ADGRG6: variants seen among roughly 807,000 people sequenced by gnomAD.
The protein encoded by ADGRG6 is G-protein coupled receptor 126.
In ADGRG6, 84 loss-of-function variants were observed where a neutral mutation model predicts 142.4. That is an observed-to-expected ratio of 0.59 (90% CI 0.49 to 0.71). The LOEUF (loss-of-function observed/expected upper bound fraction) is 0.71, where lower values mean the gene tolerates loss of function less well. ADGRG6 is among the 30% of genes least tolerant of loss of function. The probability of loss-of-function intolerance (pLI) is 0.00; values close to 1 mark genes in which losing one functional copy is unlikely to be tolerated. For missense variants in ADGRG6, 1,367 were observed against 1,466.6 expected (o/e 0.93, Z 1.11); for synonymous variants, 521 against 520.5 (o/e 1.00, Z -0.01).
At chr6:142,341,575 G>T (rs1305576795) in intron 2 of ADGRG6, among the ~76,000 whole-genome samples, 1 of 113,678 alleles carries the variant, frequency 8.8e-6, no homozygotes, top group African/African-American at 3.6e-5. Context: ...ATAATATTAT[G>T]TAGTATATAT....
At chr6:142,360,991 C>G (rs1455892828) in intron 2 of ADGRG6, among the ~76,000 whole-genome samples, 3 of 152,148 alleles carry the variant, frequency 2.0e-5, no homozygotes, top group African/African-American at 4.8e-5. Context: ...CCTGTATTTC[C>G]AAGTGGCCAA....
chr6:142,361,955 A>G (rs761507434), intron 2 of ADGRG6, among the ~76,000 whole-genome samples: 1 of 152,236 alleles, frequency 6.6e-6, no homozygotes, highest in African/African-American at 2.4e-5. Flanking sequence ...TCTACATAAC[A>G]GGCTGACTCT....
chr6:142,319,832 T>C (rs970814812), intron 2 of ADGRG6, among the ~76,000 whole-genome samples: 1 of 152,114 alleles, frequency 6.6e-6, no homozygotes, highest in African/African-American at 2.4e-5. Context: ...GCATCTTGAA[T>C]TGGGAACTTT....
chr6:142,394,524 A>G (rs1034400529), intron 9 of ADGRG6, among the ~76,000 whole-genome samples: 4 of 152,052 alleles, frequency 2.6e-5, no homozygotes, highest in Non-Finnish European at 5.9e-5. Flanking sequence ...AAATTTCCAA[A>G]TGGAATAAAT....
chr6:142,371,774 C>T (rs776284047), intron 4 of ADGRG6, among the ~76,000 whole-genome samples: 3 of 152,100 alleles, frequency 2.0e-5, no homozygotes, highest in Admixed American at 1.3e-4. Context: ...CATGAGCCAC[C>T]GTGCCCGGCC....
At chr6:142,371,878 C>T (rs900586475) in intron 4 of ADGRG6, among the ~76,000 whole-genome samples, 6 of 152,168 alleles carry the variant, frequency 3.9e-5, no homozygotes, top group African/African-American at 1.2e-4. Flanking sequence ...AAATAAACAA[C>T]CAGCACCTAA....
chr6:142,318,634 A>T (rs1013477283), intron 2 of ADGRG6, among the ~76,000 whole-genome samples: 7 of 151,432 alleles, frequency 4.6e-5, no homozygotes, highest in Non-Finnish European at 7.4e-5. Flanking sequence ...TCATGGATAG[A>T]TAATGTTAAA....
chr6:142,319,744 A>G (rs1778425141), intron 2 of ADGRG6, among the ~76,000 whole-genome samples: 1 of 152,122 alleles, frequency 6.6e-6, no homozygotes, highest in African/African-American at 2.4e-5. Flanking sequence ...AGAGAAAGAC[A>G]TCTTTATTCT....
chr6:142,408,075 T>A, intron 15 of ADGRG6, 75 bp from the exon 16 acceptor site: 1 of 1,086,442 alleles, frequency 9.2e-7, no homozygotes, highest in Non-Finnish European at 1.3e-6. Context: ...GCTGACAGTT[T>A]GCTTATTTTG....
chr6:142,349,946 G>T (rs1780084168), intron 2 of ADGRG6, among the ~76,000 whole-genome samples: 1 of 152,072 alleles, frequency 6.6e-6, no homozygotes, highest in Non-Finnish European at 1.5e-5. Context: ...TTTAAATATT[G>T]TATTCATAAA....
At chr6:142,381,735 T>C (rs1781780743) in intron 4 of ADGRG6, among the ~76,000 whole-genome samples, 1 of 152,200 alleles carries the variant, frequency 6.6e-6, no homozygotes, top group South Asian at 2.1e-4. Flanking sequence ...GTGTGATGAC[T>C]CACAAGTTGA....
chr6:142,330,448 G>T (rs1380631497), intron 2 of ADGRG6, among the ~76,000 whole-genome samples: 2 of 152,092 alleles, frequency 1.3e-5, no homozygotes, highest in Non-Finnish European at 2.9e-5. Context: ...GAAAGATGTG[G>T]GAGTAAATAT....
At chr6:142,331,131 G>C (rs1405741707) in intron 2 of ADGRG6, among the ~76,000 whole-genome samples, 1 of 145,462 alleles carries the variant, frequency 6.9e-6, no homozygotes, top group Non-Finnish European at 1.5e-5. Flanking sequence ...GGGTAGAAAA[G>C]AGTTAAAAAA....
intron 2 of ADGRG6, 116 bp from the exon 3 acceptor site, chr6:142,367,453 A>G (rs944269654): frequency 3.1e-6 from 2 of 644,768 alleles, no homozygotes; most frequent in Non-Finnish European, 2.7e-6. Flanking sequence ...TTATGATTGT[A>G]TGTTGGTATT....
chr6:142,396,988 A>C (rs1180963961), intron 9 of ADGRG6, among the ~76,000 whole-genome samples: 1 of 152,138 alleles, frequency 6.6e-6, no homozygotes, highest in African/African-American at 2.4e-5. Context: ...ACCATTCTAT[A>C]ACCTTCTTAA....
At chr6:142,390,116 T>G in intron 6 of ADGRG6, 142 bp from the exon 7 acceptor site, 1 of 360,016 alleles carries the variant, frequency 2.8e-6, no homozygotes, top group Non-Finnish European at 5.0e-6. Context: ...AGGTGTTTCT[T>G]TTAACTTATA....
chr6:142,394,503 A>AAAC lies in ADGRG6; in HGVS notation c.1424+547_1424+548insCAA, dbSNP rs201994631. Among the ~76,000 whole-genome samples, 731 of 152,146 alleles carry AAAC rather than the reference A, an allele frequency of 4.8e-3. 9 individuals carry two copies. Among genetic ancestry groups the AAAC allele is most frequent in the African/African-American group, 0.017 (693 of 41,510 alleles). ...ATGTTCAGAGTACTGTAAAACAAAC[A>AAAC]AAAAAACCCTAAATTTCCAAATGGA... is the stretch of plus-strand genomic sequence containing the variant. On this transcript the variant is annotated intron_variant, in intron 9 of 24. Transcript: ENST00000367609.
intron 14 of ADGRG6, among the ~76,000 whole-genome samples, chr6:142,404,541 G>T (rs1775702264): frequency 6.6e-6 from 1 of 152,080 alleles, no homozygotes; most frequent in South Asian, 2.1e-4. Context: ...CTATTCAGGA[G>T]GCTGAGGCAC....
intron 20 of ADGRG6, among the ~76,000 whole-genome samples, chr6:142,416,690 A>G (rs961118502): frequency 3.3e-5 from 5 of 152,184 alleles, no homozygotes; most frequent in African/African-American, 1.2e-4. Flanking sequence ...GATATTTTCA[A>G]GACCTTCAAA....
Sources: allele counts gnomAD v4.1 joint callset (sites outside exome capture counted in the v4.1 genomes callset), GRCh38; gene constraint gnomAD v4.1.1; transcripts MANE v1.5; gene names NCBI Gene and HGNC (gene_info 2026-07-23, HGNC 2026-07-21).